NEGR1: variants seen among roughly 807,000 people sequenced by gnomAD.
NEGR1 encodes the protein IgLON family member 4.
In NEGR1, 10 loss-of-function variants were observed where a neutral mutation model predicts 40.9. That is an observed-to-expected ratio of 0.24 (90% CI 0.15 to 0.42). The LOEUF is 0.42. Among genes scored for constraint, NEGR1 ranks in the 10% least tolerant of loss-of-function variants. The pLI, the probability that NEGR1 is intolerant of heterozygous loss-of-function variation, is 1.00. For synonymous variants in NEGR1, 185 were observed against 166.8 expected (o/e 1.11, Z -0.84); for missense variants, 352 against 438.9 (o/e 0.80, Z 1.77).
intron 6 of NEGR1, among the ~76,000 whole-genome samples, chr1:71,504,609 C>A (rs752550929): frequency 6.6e-6 from 1 of 152,100 alleles, no homozygotes; most frequent in Non-Finnish European, 1.5e-5. Context: ...CCCACCAGGA[C>A]TTTTAATAAA....
chr1:72,156,777 A>G (rs1557554648), intron 1 of NEGR1, among the ~76,000 whole-genome samples: 1 of 152,272 alleles, frequency 6.6e-6, no homozygotes, highest in African/African-American at 2.4e-5. Context: ...TAAATTGATA[A>G]ATGTTTTTCT....
At chr1:72,032,131 A>G (rs1646863716) in intron 1 of NEGR1, among the ~76,000 whole-genome samples, 1 of 152,232 alleles carries the variant, frequency 6.6e-6, no homozygotes, top group Non-Finnish European at 1.5e-5. Flanking sequence ...CATTCTGCAT[A>G]TGGAAGATGA....
chr1:71,825,675 G>A (rs1303612822), intron 2 of NEGR1, among the ~76,000 whole-genome samples: 1 of 151,824 alleles, frequency 6.6e-6, no homozygotes, highest in Non-Finnish European at 1.5e-5. Context: ...TCTATAAATT[G>A]AGAGGAATTA....
chr1:72,033,901 C>T (rs1247894744), intron 1 of NEGR1, among the ~76,000 whole-genome samples: 1 of 152,162 alleles, frequency 6.6e-6, no homozygotes, highest in Admixed American at 6.5e-5. Context: ...AACTGTAAAA[C>T]ACCCCCTACG....
chr1:71,628,599 A>T (rs532927280), intron 4 of NEGR1, among the ~76,000 whole-genome samples: 45 of 150,720 alleles, frequency 3.0e-4, no homozygotes, highest in African/African-American at 1.1e-3. Flanking sequence ...GTCGTGTGAT[A>T]TTCCCCTCCC....
chr1:71,680,550 T>G (rs1359662631), intron 4 of NEGR1, among the ~76,000 whole-genome samples: 1 of 152,124 alleles, frequency 6.6e-6, no homozygotes, highest in Non-Finnish European at 1.5e-5. Context: ...ATTTTTCTAT[T>G]TTTAATATTA....
chr1:72,109,207 T>C (rs1649257849), intron 1 of NEGR1, among the ~76,000 whole-genome samples: 1 of 151,694 alleles, frequency 6.6e-6, no homozygotes, highest in Non-Finnish European at 1.5e-5. Flanking sequence ...TATTAAACTT[T>C]AAAACTGTGT....
At chr1:72,266,923 ATAAT>A (rs1655666372) in intron 1 of NEGR1, among the ~76,000 whole-genome samples, 1 of 151,112 alleles carries the variant, frequency 6.6e-6, no homozygotes, top group African/African-American at 2.4e-5. Flanking sequence ...GAAATAAAGA[ATAAT>A]TAATAAGTCC....
chr1:71,670,301 T>A (rs1223500748), intron 4 of NEGR1, among the ~76,000 whole-genome samples: 1 of 152,138 alleles, frequency 6.6e-6, no homozygotes, highest in East Asian at 1.9e-4. Context: ...GTTGAAAAAT[T>A]TGCTGCCTTG....
At chr1:72,242,124 T>C (rs1017068119) in intron 1 of NEGR1, among the ~76,000 whole-genome samples, 3 of 151,748 alleles carry the variant, frequency 2.0e-5, no homozygotes, top group Non-Finnish European at 4.4e-5. Context: ...TCATAGAATA[T>C]CCTTGATGCT....
intron 5 of NEGR1, among the ~76,000 whole-genome samples, chr1:71,597,468 CTCTCTGTGTGTGTG>C (rs1443145418): frequency 4.5e-5 from 1 of 22,224 alleles, no homozygotes; most frequent in African/African-American, 7.1e-5. Context: ...CTCTCTCTCT[CTCTCTGTGTGTGTG>C]TGTGTGTGTG....
chr1:71,708,315 A>G (rs1242220186), intron 3 of NEGR1, among the ~76,000 whole-genome samples: 1 of 152,076 alleles, frequency 6.6e-6, no homozygotes, highest in Non-Finnish European at 1.5e-5. Flanking sequence ...TGAGATTGAA[A>G]TAATTAAAAA....
chr1:72,167,725 G>A (rs1290290527), intron 1 of NEGR1, among the ~76,000 whole-genome samples: 2 of 151,952 alleles, frequency 1.3e-5, no homozygotes, highest in East Asian at 3.9e-4. Context: ...GCTGTTTTTA[G>A]TTGAGCTTTC....
rs1277754410 is a variant in NEGR1, at chr1:71,396,473, C to T, written c.*10973G>A. On this transcript the variant is annotated 3_prime_UTR_variant, in exon 7 of 7. Coordinates refer to ENST00000357731, the MANE Select transcript of NEGR1 (RefSeq NM_173808.3). ...AATTAAATCTGATTTTTAAAATTTCCAAAATCAACAAATAACAGGTTCTTC... is the reference window on the plus strand; with the variant it reads ...AATTAAATCTGATTTTTAAAATTTCTAAAATCAACAAATAACAGGTTCTTC... The T allele has an allele frequency of 6.6e-6, 1 of 152,162 alleles. No individual in the cohort carries two copies. Among genetic ancestry groups the T allele is most frequent in the Non-Finnish European group, 1.5e-5 (1 of 68,028 alleles). 9.4% of individuals were successfully genotyped at this position (152,162 alleles called of 1,614,324 possible).
At chr1:72,142,852 G>A (rs181507648) in intron 1 of NEGR1, among the ~76,000 whole-genome samples, 2 of 151,720 alleles carry the variant, frequency 1.3e-5, no homozygotes, top group African/African-American at 4.8e-5. Flanking sequence ...CAGGACTCAA[G>A]GGCACCTATT....
chr1:71,501,790 C>G (rs990443571), intron 6 of NEGR1, among the ~76,000 whole-genome samples: 1 of 152,122 alleles, frequency 6.6e-6, no homozygotes, highest in Non-Finnish European at 1.5e-5. Flanking sequence ...ATGTAAAGCT[C>G]TTTTATATGT....
At chr1:71,557,113 G>C (rs1015724849) in intron 6 of NEGR1, among the ~76,000 whole-genome samples, 6 of 151,634 alleles carry the variant, frequency 4.0e-5, no homozygotes, top group Non-Finnish European at 5.9e-5. Flanking sequence ...TGTGAAGCCT[G>C]ATAGTCTGTA....
At chr1:72,277,819 T>C (rs1656111390) in intron 1 of NEGR1, among the ~76,000 whole-genome samples, 1 of 152,186 alleles carries the variant, frequency 6.6e-6, no homozygotes, top group African/African-American at 2.4e-5. Flanking sequence ...TTGGAAGGTA[T>C]AATGCATCAA....
chr1:71,622,970 T>C (rs1050748003), intron 4 of NEGR1, among the ~76,000 whole-genome samples: 5 of 151,892 alleles, frequency 3.3e-5, no homozygotes, highest in African/African-American at 1.2e-4. Context: ...CTTGTTACTA[T>C]GGCCTTCAAA....
Sources: allele counts gnomAD v4.1 joint callset (sites outside exome capture counted in the v4.1 genomes callset), GRCh38; gene constraint gnomAD v4.1.1; transcripts MANE v1.5; gene names NCBI Gene and HGNC (gene_info 2026-07-23, HGNC 2026-07-21).